KCNN3: variants seen among roughly 807,000 people sequenced by gnomAD.
The protein encoded by KCNN3 is small conductance calcium-activated potassium channel protein 3.
In KCNN3, 16 loss-of-function variants were observed where a neutral mutation model predicts 62.9. That is an observed-to-expected ratio of 0.25 (90% confidence interval 0.17 to 0.39). KCNN3 has a LOEUF of 0.39. KCNN3 is among the 10% of genes least tolerant of loss of function. The probability of loss-of-function intolerance (pLI) is 1.00; values close to 1 mark genes in which losing one functional copy is unlikely to be tolerated. For missense variants in KCNN3, 599 were observed against 949.4 expected (o/e 0.63, Z 4.85); for synonymous variants, 370 against 389.2 (o/e 0.95, Z 0.58).
chr1:154,720,234 G>A (rs1160609768), intron 5 of KCNN3, among the ~76,000 whole-genome samples: 1 of 152,222 alleles, frequency 6.6e-6, no homozygotes, highest in African/African-American at 2.4e-5. Flanking sequence ...GTGGGTTGGA[G>A]TGGCTCTTCC....
In KCNN3 at chr1:154,869,467, G is replaced by A. The variant is rs757613552; in HGVS notation, c.498C>T (p.Asp166=). ...RQASPLVHRR[D]SNPFTEIAMS... ...TGGCGATCTCCGTGAAGGGGTTGCTGTCCCGCCGGTGCACCAGGGGGCTGG... is the reference window on the plus strand; with the variant it reads ...TGGCGATCTCCGTGAAGGGGTTGCTATCCCGCCGGTGCACCAGGGGGCTGG... The change falls in exon 1 of 8, where the codon GAC becomes GAT. Residue 166 remains aspartate (D), a synonymous_variant. Transcript: ENST00000271915. This position sits in a 1 kb window ranked among gnomAD's most constrained non-coding sequence, Gnocchi z 6.1. 2 of 1,614,082 alleles carry A rather than the reference G, an allele frequency of 1.2e-6. No homozygotes were observed. The highest frequency in any genetic ancestry group is 2.2e-5 in the East Asian group (1 of 44,880).
intron 2 of KCNN3, among the ~76,000 whole-genome samples, chr1:154,790,488 T>C (rs1649467731): frequency 6.6e-6 from 1 of 152,214 alleles, no homozygotes. Flanking sequence ...AAAGCCTATT[T>C]TATAATAAAG....
At chr1:154,757,060 T>C (rs576735935) in intron 3 of KCNN3, among the ~76,000 whole-genome samples, 1 of 152,212 alleles carries the variant, frequency 6.6e-6, no homozygotes, top group South Asian at 2.1e-4. Context: ...GCAAGCATGA[T>C]GAAGGGAAAC....
chr1:154,787,479 T>C (rs1649331117), intron 2 of KCNN3, among the ~76,000 whole-genome samples: 1 of 152,202 alleles, frequency 6.6e-6, no homozygotes, highest in Non-Finnish European at 1.5e-5. Context: ...AGGATGCAAG[T>C]TCCTGATGAA....
chr1:154,773,207 G>A (rs1168935147), intron 2 of KCNN3, among the ~76,000 whole-genome samples: 3 of 151,952 alleles, frequency 2.0e-5, no homozygotes, highest in Admixed American at 6.6e-5. Flanking sequence ...TTTGTGTTTC[G>A]ATGAGCTTCC....
At chr1:154,758,515 C>T (rs1017104469) in intron 3 of KCNN3, among the ~76,000 whole-genome samples, 12 of 152,200 alleles carry the variant, frequency 7.9e-5, no homozygotes, top group South Asian at 4.1e-4. Context: ...TGTTACCAGG[C>T]GGCTCCCAGG....
At chr1:154,755,546 G>GAA (rs1647619751) in intron 3 of KCNN3, among the ~76,000 whole-genome samples, 2 of 100,502 alleles carry the variant, frequency 2.0e-5, no homozygotes, top group South Asian at 8.8e-4. Context: ...AGGAAAGGAA[G>GAA]GAAGGAAGAA....
intron 5 of KCNN3, among the ~76,000 whole-genome samples, chr1:154,719,689 A>T (rs112121054): frequency 3.3e-5 from 5 of 152,200 alleles, no homozygotes; most frequent in African/African-American, 1.2e-4. Flanking sequence ...TACACACAGG[A>T]CTAGAGAAGG....
intron 2 of KCNN3, among the ~76,000 whole-genome samples, chr1:154,811,192 A>G (rs1650392788): frequency 6.6e-6 from 1 of 152,174 alleles, no homozygotes; most frequent in African/African-American, 2.4e-5. Flanking sequence ...GGGCGATGGG[A>G]CAGGGTAAAG....
intron 1 of KCNN3, among the ~76,000 whole-genome samples, chr1:154,834,338 A>C (rs1161615717): frequency 1.3e-5 from 2 of 152,238 alleles, no homozygotes; most frequent in Non-Finnish European, 2.9e-5. Context: ...CAGGGCTTCA[A>C]GGAAACTGCA....
intron 1 of KCNN3, among the ~76,000 whole-genome samples, chr1:154,856,403 C>T (rs1257215714): frequency 6.6e-6 from 1 of 152,204 alleles, no homozygotes; most frequent in Non-Finnish European, 1.5e-5. Flanking sequence ...TGAGGACCCC[C>T]GCCAGCTGGA....
intron 2 of KCNN3, among the ~76,000 whole-genome samples, chr1:154,816,098 C>T (rs933474720): frequency 5.9e-5 from 9 of 152,158 alleles, no homozygotes; most frequent in Non-Finnish European, 1.3e-4. Context: ...ATGAAAATAT[C>T]CACTTTTATA....
chr1:154,705,714 C>T lies in KCNN3; in HGVS notation c.*2262G>A, dbSNP rs1002331604. The T allele has an allele frequency of 4.6e-5, 7 of 152,200 alleles. No individual in the cohort carries two copies. The highest frequency in any genetic ancestry group is 7.2e-5 in the African/African-American group (3 of 41,434). 9.4% of individuals were successfully genotyped at this position (152,200 alleles called of 1,614,324 possible). ...AAGACTAAATCTCTATATGTGCACA[C>T]ACCCACACTCACACCCACACGCACA... is the stretch of plus-strand genomic sequence containing the variant. On this transcript the variant is annotated 3_prime_UTR_variant, in exon 8 of 8. Transcript: ENST00000271915.
At position 154,702,988 on chromosome 1, in the gene KCNN3, C is replaced by A. The variant is rs1699890459; in HGVS notation, c.*4988G>T. The A allele has an allele frequency of 6.6e-6, 1 of 151,618 alleles. No homozygotes were observed. The highest frequency in any genetic ancestry group is 2.4e-5 in the African/African-American group (1 of 41,272). The allele number at this position is 151,618 out of a possible 1,614,324, so 9.4% of individuals were successfully genotyped here. Reference sequence around the variant, plus strand: ...TGGAGGTCATATGTTGAAGATTTGACAATGGTTTTGTTCAGAGGGAACTCC... The same window carrying A: ...TGGAGGTCATATGTTGAAGATTTGAAAATGGTTTTGTTCAGAGGGAACTCC... On this transcript the variant is annotated 3_prime_UTR_variant, in exon 8 of 8. Transcript: ENST00000271915.
chr1:154,712,118 G>A (rs1700091712), intron 7 of KCNN3, among the ~76,000 whole-genome samples: 1 of 152,180 alleles, frequency 6.6e-6, no homozygotes, highest in South Asian at 2.1e-4. Flanking sequence ...AATGGTGAGA[G>A]ACCTCCTGGT....
At chr1:154,748,886 A>C (rs1700996222) in intron 3 of KCNN3, among the ~76,000 whole-genome samples, 1 of 152,160 alleles carries the variant, frequency 6.6e-6, no homozygotes, top group African/African-American at 2.4e-5. Flanking sequence ...CACTTGATTA[A>C]TTACTAGATT....
intron 2 of KCNN3, among the ~76,000 whole-genome samples, chr1:154,790,472 T>C (rs1341477416): frequency 2.6e-5 from 4 of 152,240 alleles, no homozygotes; most frequent in Non-Finnish European, 5.9e-5. Flanking sequence ...CAAAATCATC[T>C]ATCACAAAGC....
chr1:154,778,490 G>A (rs1648882624), intron 2 of KCNN3, among the ~76,000 whole-genome samples: 1 of 152,100 alleles, frequency 6.6e-6, no homozygotes, highest in Non-Finnish European at 1.5e-5. Context: ...CACCAGAGGG[G>A]GCAGCTTGCA....
rs1460192880 is a variant in KCNN3, at chr1:154,799,000, T to A, written c.1029+23089A>T. 2.0e-5 allele frequency among the ~76,000 whole-genome samples: 3 copies of A among 150,498 alleles called. No homozygotes were observed. The East Asian group carries it at 5.8e-4, about 29-fold the overall frequency. On this transcript the variant is annotated intron_variant, in intron 2 of 7. Transcript: ENST00000271915. Reference sequence around the variant, plus strand: ...GGCACAATCTTGGCTCACTGCAACCTCTGCCTCTTGGGTTCAAGCCATTCT... The same window carrying A: ...GGCACAATCTTGGCTCACTGCAACCACTGCCTCTTGGGTTCAAGCCATTCT...
Sources: gnomAD v4.1 joint callset for allele counts (sites outside exome capture counted in the v4.1 genomes callset) on GRCh38, gnomAD v4.1.1 for gene constraint, Gnocchi (gnomAD v3.1) non-coding constraint, MANE v1.5 for transcripts, NCBI Gene and HGNC (gene_info 2026-07-23, HGNC 2026-07-21) for gene names.